Variants in CREB3L2 observed in about 807,000 individuals in gnomAD.
The protein encoded by CREB3L2 is cyclic AMP-responsive element-binding protein 3-like protein 2.
Under a neutral mutation model 57.2 loss-of-function variants are expected in CREB3L2, and 23 were observed. That is an observed-to-expected ratio of 0.40 (90% confidence interval 0.29 to 0.57). The LOEUF is 0.57. Ranked by LOEUF, CREB3L2 falls within the 20% of genes least tolerant of loss-of-function variation. The probability of loss-of-function intolerance (pLI) is 0.42; values close to 1 mark genes in which losing one functional copy is unlikely to be tolerated. For missense variants in CREB3L2, 628 were observed against 634.7 expected, an observed-to-expected ratio of 0.99 and a Z score of 0.11; for synonymous variants, 268 against 265.1, an observed-to-expected ratio of 1.01 and a Z score of -0.11.
chr7:137,991,015 G>C (rs1182933470), intron 1 of CREB3L2, among the ~76,000 whole-genome samples: 1 of 151,834 alleles, frequency 6.6e-6, no homozygotes, highest in African/African-American at 2.4e-5. Flanking sequence ...ATTTTGTCTG[G>C]GTTTCACTTA....
At chr7:137,990,620 A>G (rs920353556) in intron 1 of CREB3L2, among the ~76,000 whole-genome samples, 12 of 152,186 alleles carry the variant, frequency 7.9e-5, no homozygotes, top group African/African-American at 2.9e-4. Flanking sequence ...TGCGAGGGGA[A>G]GGAAGGAGTT....
intron 1 of CREB3L2, among the ~76,000 whole-genome samples, chr7:137,962,692 A>G (rs544820067): frequency 4.5e-4 from 68 of 151,926 alleles, no homozygotes; most frequent in African/African-American, 1.5e-3. Flanking sequence ...TCTCCATAAC[A>G]TGAATCGCCC....
chr7:137,938,843 T>G (rs1301884741), intron 1 of CREB3L2, among the ~76,000 whole-genome samples: 1 of 152,116 alleles, frequency 6.6e-6, no homozygotes, highest in Non-Finnish European at 1.5e-5. Flanking sequence ...TTATTAGAAT[T>G]TGATGTGGAA....
At chr7:137,932,645 A>G (rs1050765841) in intron 1 of CREB3L2, among the ~76,000 whole-genome samples, 6 of 152,176 alleles carry the variant, frequency 3.9e-5, no homozygotes, top group East Asian at 3.9e-4. Context: ...CAGTTTCTCA[A>G]TCACTGGCTC....
rs1389053059 is a variant in CREB3L2 at position 137,875,492 on chromosome 7, G to C, written c.*4984C>G. Reference sequence around the variant, plus strand: ...AAAACCCCTGGTTTTCCTTTCCCCAGATGTAAAGCCTGCTAGCTGGAACTC... The same window carrying C: ...AAAACCCCTGGTTTTCCTTTCCCCACATGTAAAGCCTGCTAGCTGGAACTC... On this transcript the variant is annotated 3_prime_UTR_variant, in exon 12 of 12. Coordinates refer to ENST00000330387, the MANE Select transcript of CREB3L2 (RefSeq NM_194071.4). 1 of 223,740 alleles carries C rather than the reference G, an allele frequency of 4.5e-6. No homozygotes were observed. The highest frequency in any genetic ancestry group is 8.9e-6 in the Non-Finnish European group (1 of 112,132). 13.9% of individuals were successfully genotyped at this position (223,740 alleles called of 1,614,324 possible).
rs552403609 is a variant in CREB3L2, at chr7:137,897,019, G to A, written c.1043+4335C>T. On this transcript the variant is annotated intron_variant, in intron 8 of 11. Transcript: ENST00000330387. The stretch of plus-strand genomic sequence containing the variant: ...CAGTTATAAGGTAAATACATTCTGA[G>A]GATCTACTGTACAGCATGGTGACTG... Among the ~76,000 whole-genome samples the A allele has an allele frequency of 3.3e-5, 5 of 152,192 alleles. No homozygotes were observed. In the South Asian group the frequency reaches 1.0e-3, roughly 32 times the overall value.
At chr7:137,894,092 C>A (rs539716896) in intron 8 of CREB3L2, among the ~76,000 whole-genome samples, 1 of 152,318 alleles carries the variant, frequency 6.6e-6, no homozygotes, top group African/African-American at 2.4e-5. Context: ...GATGGAAAGG[C>A]TCTCACTGCT....
chr7:137,925,115 G>A (rs1188278488), intron 2 of CREB3L2, among the ~76,000 whole-genome samples: 1 of 152,114 alleles, frequency 6.6e-6, no homozygotes, highest in Non-Finnish European at 1.5e-5. Flanking sequence ...GTGGAGGATG[G>A]AGGGAGGAAG....
rs564670456 is a variant in CREB3L2 at position 137,972,736 on chromosome 7, T to TAGAG, written c.102+28864_102+28867dup. ...AAATATATATATATATATATATATA[T>TAGAG]AGAGAGAGAGAGAGAGAGAGAGAGA... On this transcript the variant is annotated intron_variant, in intron 1 of 11. Transcript: ENST00000330387. Among the ~76,000 whole-genome samples, 46 of 22,348 alleles carry TAGAG rather than the reference T, an allele frequency of 2.1e-3. 3 individuals are homozygous for TAGAG. The highest frequency in any genetic ancestry group is 6.1e-3 in the African/African-American group (40 of 6,598). 14.7% of individuals were successfully genotyped at this position (22,348 alleles called of 152,430 possible). A position where few individuals can be genotyped will look rare whatever the true frequency, so the allele number is the denominator to read the frequency against.
Position 137,877,529 on chromosome 7 carries a change from T to TGG in CREB3L2, c.*2945_*2946dup, listed in dbSNP as rs1799185391. 1.3e-5 allele frequency: 3 copies of TGG among 226,476 alleles called. No individual in the cohort carries two copies. The highest frequency in any genetic ancestry group is 4.5e-5 in the African/African-American group (2 of 44,936). 14.0% of individuals were successfully genotyped at this position (226,476 alleles called of 1,614,324 possible). A position where few individuals can be genotyped will look rare whatever the true frequency, so the allele number is the denominator to read the frequency against. On this transcript the variant is annotated 3_prime_UTR_variant, in exon 12 of 12. Coordinates refer to ENST00000330387, the MANE Select transcript of CREB3L2 (RefSeq NM_194071.4). ...GTGAAAAGAACCACGGTGGGGGGTC[T>TGG]GGGTTACTCAGGTCTTATCCAGTGA...
intron 1 of CREB3L2, among the ~76,000 whole-genome samples, chr7:137,972,198 T>C (rs926922080): frequency 6.6e-6 from 1 of 152,078 alleles, no homozygotes; most frequent in Non-Finnish European, 1.5e-5. Flanking sequence ...CCCAGCACTT[T>C]AGGAAGCTGA....
At chr7:137,931,662 T>C (rs1326598321) in intron 1 of CREB3L2, among the ~76,000 whole-genome samples, 1 of 151,170 alleles carries the variant, frequency 6.6e-6, no homozygotes, top group Non-Finnish European at 1.5e-5. Flanking sequence ...TGAAACTCCA[T>C]CTCTACTAAA....
At chr7:137,887,532 C>T (rs1183156600) in intron 8 of CREB3L2, among the ~76,000 whole-genome samples, 1 of 152,064 alleles carries the variant, frequency 6.6e-6, no homozygotes, top group South Asian at 2.1e-4. Flanking sequence ...CATAGTAAAA[C>T]CCTCATCTCT....
chr7:137,973,287 A>G (rs2117304103), intron 1 of CREB3L2, among the ~76,000 whole-genome samples: 1 of 152,226 alleles, frequency 6.6e-6, no homozygotes, highest in Middle Eastern at 3.4e-3. Flanking sequence ...TTTGCCTTGT[A>G]CGGAAGACTT....
chr7:138,001,528 AG>A lies in CREB3L2; in HGVS notation c.102+75del. The A allele has an allele frequency of 8.8e-7, 1 of 1,132,694 alleles. No homozygotes were observed. Among genetic ancestry groups the A allele is most frequent in the Non-Finnish European group, 1.3e-6 (1 of 780,884 alleles). The allele number at this position is 1,132,694 out of a possible 1,614,324, so 70.2% of individuals were successfully genotyped here. ...CCCAAACCCTGCCTTCCCGGGTCCCAGGACTCCAGCTGCTCCTCGCGTGACA... is the reference window on the plus strand; with the variant it reads ...CCCAAACCCTGCCTTCCCGGGTCCCAGACTCCAGCTGCTCCTCGCGTGACA... On this transcript the variant is annotated intron_variant, in intron 1 of 11. Transcript: ENST00000330387. The surrounding 1 kb of genome is among the most constrained non-coding windows in gnomAD (Gnocchi z 4.2).
At chr7:137,900,672 C>T (rs1405548698) in intron 8 of CREB3L2, among the ~76,000 whole-genome samples, 2 of 151,540 alleles carry the variant, frequency 1.3e-5, no homozygotes, top group Admixed American at 6.6e-5. Context: ...GACGTGGTGG[C>T]GCGTGCCTGT....
chr7:137,890,161 A>C (rs1272655201), intron 8 of CREB3L2, among the ~76,000 whole-genome samples: 1 of 152,188 alleles, frequency 6.6e-6, no homozygotes, highest in East Asian at 1.9e-4. Flanking sequence ...AGCCACAATA[A>C]AACCCATTCT....
chr7:137,972,709 A>C (rs59254747), intron 1 of CREB3L2, among the ~76,000 whole-genome samples: 21 of 39,720 alleles, frequency 5.3e-4, no homozygotes, highest in African/African-American at 2.9e-3. Context: ...AAAAAAAAAA[A>C]AAAATATATA....
intron 1 of CREB3L2, among the ~76,000 whole-genome samples, chr7:137,974,393 C>T (rs1442438322): frequency 6.6e-6 from 1 of 152,120 alleles, no homozygotes; most frequent in Non-Finnish European, 1.5e-5. Flanking sequence ...AAGAGTGTTC[C>T]AACCAGGACC....
Sources: allele counts gnomAD v4.1 joint callset (sites outside exome capture counted in the v4.1 genomes callset), GRCh38; gene constraint gnomAD v4.1.1; non-coding constraint Gnocchi (gnomAD v3.1); transcripts MANE v1.5; gene names NCBI Gene and HGNC (gene_info 2026-07-23, HGNC 2026-07-21).